Variants in SLC8A1 observed in about 807,000 individuals in gnomAD.
SLC8A1 encodes solute carrier family 8 member A1, also known as sodium/calcium exchanger 1.
A neutral mutation model predicts 68.3 loss-of-function variants in SLC8A1; 18 were observed. The ratio of observed to expected loss-of-function variants is 0.26; its 90% CI spans 0.18 to 0.39. The LOEUF (loss-of-function observed/expected upper bound fraction) is 0.39. Among genes scored for constraint, SLC8A1 ranks in the 10% least tolerant of loss-of-function variants. SLC8A1 has a pLI of 1.00. For synonymous variants in SLC8A1, 475 were observed against 415.5 expected (o/e 1.14, Z -1.74); for missense variants, 985 against 1,156.7 (o/e 0.85, Z 2.15).
At chr2:40,433,858 G>A (rs1698870622) in intron 1 of SLC8A1, among the ~76,000 whole-genome samples, 1 of 152,158 alleles carries the variant, frequency 6.6e-6, no homozygotes, top group South Asian at 2.1e-4. Flanking sequence ...TCCATGCAGG[G>A]TCAGGAGGGC....
At chr2:40,329,348 G>A (rs757023363) in intron 2 of SLC8A1, among the ~76,000 whole-genome samples, 7 of 152,108 alleles carry the variant, frequency 4.6e-5, no homozygotes, top group Non-Finnish European at 8.8e-5. Flanking sequence ...TGCTGCCTGT[G>A]CAACTACAAT....
chr2:40,300,883 A>G (rs2071332157), intron 2 of SLC8A1, among the ~76,000 whole-genome samples: 2 of 152,210 alleles, frequency 1.3e-5, no homozygotes, highest in Non-Finnish European at 2.9e-5. Flanking sequence ...AACTGTGATG[A>G]GTTACCAACA....
intron 2 of SLC8A1, among the ~76,000 whole-genome samples, chr2:40,388,125 A>C (rs2216008): frequency 6.6e-6 from 1 of 151,754 alleles, no homozygotes; most frequent in African/African-American, 2.4e-5. Context: ...CCAAATAAAC[A>C]AATGTTTATG....
intron 2 of SLC8A1, among the ~76,000 whole-genome samples, chr2:40,395,741 T>C (rs533682791): frequency 6.6e-6 from 1 of 152,082 alleles, no homozygotes; most frequent in African/African-American, 2.4e-5. Context: ...AATTAAGACA[T>C]GGGAAAGGAA....
chr2:40,397,142 C>G (rs1006008773), intron 2 of SLC8A1, among the ~76,000 whole-genome samples: 3 of 152,158 alleles, frequency 2.0e-5, no homozygotes, highest in Non-Finnish European at 4.4e-5. Flanking sequence ...AACAGATACA[C>G]AGTGTTTAAA....
At chr2:40,159,299 C>T (rs914491098) in intron 6 of SLC8A1, among the ~76,000 whole-genome samples, 12 of 152,236 alleles carry the variant, frequency 7.9e-5, no homozygotes, top group South Asian at 6.2e-4. Context: ...TTGTTGCATT[C>T]GCTGTCATGT....
In SLC8A1 at chr2:40,186,535, T is replaced by G. The variant is rs138433269; in HGVS notation, c.1809-8680A>C. 3.3e-3 allele frequency among the ~76,000 whole-genome samples: 501 copies of G among 152,306 alleles called. 7 individuals carry two copies. The highest frequency in any genetic ancestry group is 0.011 in the African/African-American group (452 of 41,568). Reference sequence around the variant, plus strand: ...TGGAATAAGGACAGGTTGCTATTCATATTATTTCTACTAATATTTTTACAT... The same window carrying G: ...TGGAATAAGGACAGGTTGCTATTCAGATTATTTCTACTAATATTTTTACAT... On this transcript the variant is annotated intron_variant, in intron 2 of 7. Coordinates refer to ENST00000406785, the Ensembl canonical transcript of SLC8A1.
chr2:40,252,705 G>A (rs920914937), intron 2 of SLC8A1, among the ~76,000 whole-genome samples: 3 of 148,222 alleles, frequency 2.0e-5, no homozygotes, highest in African/African-American at 7.9e-5. Flanking sequence ...TTGCTTAGAA[G>A]GGGGATAAAA....
chr2:40,239,522 C>A (rs1042006577), intron 2 of SLC8A1, among the ~76,000 whole-genome samples: 1 of 152,150 alleles, frequency 6.6e-6, no homozygotes, highest in African/African-American at 2.4e-5. Context: ...CTGAGGTACA[C>A]AAGTAAATGT....
intron 1 of SLC8A1, among the ~76,000 whole-genome samples, chr2:40,465,134 G>C (rs1703590888): frequency 6.6e-6 from 1 of 152,038 alleles, no homozygotes; most frequent in Non-Finnish European, 1.5e-5. Context: ...AAAATTCATG[G>C]GGTATTTTAT....
At chr2:40,358,803 A>G (rs1673582023) in intron 2 of SLC8A1, among the ~76,000 whole-genome samples, 1 of 152,202 alleles carries the variant, frequency 6.6e-6, no homozygotes, top group Admixed American at 6.5e-5. Flanking sequence ...CTGATAAACA[A>G]CAACACTAAT....
intron 1 of SLC8A1, among the ~76,000 whole-genome samples, chr2:40,492,843 CA>C (rs1705412908): frequency 6.7e-6 from 1 of 148,642 alleles, no homozygotes; most frequent in Non-Finnish European, 1.5e-5. Flanking sequence ...AGTCAGGAAA[CA>C]ACAGGTGCTG....
intron 4 of SLC8A1, among the ~76,000 whole-genome samples, chr2:40,166,055 A>G (rs1026678128): frequency 3.9e-5 from 6 of 152,226 alleles, no homozygotes; most frequent in Non-Finnish European, 7.3e-5. Flanking sequence ...AAGTGCCTCC[A>G]ACAGGGGGCT....
At chr2:40,488,470 G>C (rs1705112337) in intron 1 of SLC8A1, among the ~76,000 whole-genome samples, 1 of 152,008 alleles carries the variant, frequency 6.6e-6, no homozygotes, top group South Asian at 2.1e-4. Context: ...GTGTGTGTGT[G>C]TGTGCACGCA....
intron 1 of SLC8A1, among the ~76,000 whole-genome samples, chr2:40,432,459 T>A (rs1698556307): frequency 7.9e-6 from 1 of 127,058 alleles, no homozygotes; most frequent in Non-Finnish European, 1.7e-5. Flanking sequence ...GATGCATGAT[T>A]TCATACTAGA....
In SLC8A1 at chr2:40,255,825, A is replaced by G. The variant is rs573948209; in HGVS notation, c.1809-77970T>C. Among the ~76,000 whole-genome samples the G allele has an allele frequency of 9.2e-5, 14 of 152,322 alleles. No individual in the cohort carries two copies. The East Asian group carries it at 1.9e-3, about 21-fold the overall frequency. ...GGAAGCAAAATGATATACTTGTCAC[A>G]TCAATTAGTCAAGAAAATGTGATTA... On this transcript the variant is annotated intron_variant, in intron 2 of 7. Transcript: ENST00000406785.
chr2:40,120,362 G>A (rs1012675859), intron 7 of SLC8A1, among the ~76,000 whole-genome samples: 3 of 152,200 alleles, frequency 2.0e-5, no homozygotes, highest in African/African-American at 7.2e-5. Flanking sequence ...GACAATGAAA[G>A]AGGCAGCCAA....
rs183261709 is a variant in SLC8A1, at chr2:40,257,153, T to C, written c.1809-79298A>G. 3.9e-4 allele frequency among the ~76,000 whole-genome samples: 59 copies of C among 152,328 alleles called. No homozygotes were observed. The East Asian group carries it at 9.1e-3, about 23-fold the overall frequency. Reference sequence around the variant, plus strand: ...ATACGGTCTACTACAATCTTTTTAATTGGGCTTTAGCTAAATGCATGATGA... The same window carrying C: ...ATACGGTCTACTACAATCTTTTTAACTGGGCTTTAGCTAAATGCATGATGA... On this transcript the variant is annotated intron_variant, in intron 2 of 7. Transcript: ENST00000406785.
intron 2 of SLC8A1, among the ~76,000 whole-genome samples, chr2:40,205,747 T>C (rs1399379428): frequency 6.7e-6 from 1 of 149,632 alleles, no homozygotes; most frequent in African/African-American, 2.5e-5. Context: ...TAAATCTCCA[T>C]GACACAAGTT....
Sources: gnomAD v4.1 joint callset for allele counts (sites outside exome capture counted in the v4.1 genomes callset) on GRCh38, gnomAD v4.1.1 for gene constraint, MANE v1.5 for transcripts, NCBI Gene and HGNC (gene_info 2026-07-23, HGNC 2026-07-21) for gene names.